Variants in UCHL3 observed in about 807,000 individuals in gnomAD.
UCHL3 encodes ubiquitin carboxyl-terminal hydrolase isozyme L3.
Under a neutral mutation model 35.8 loss-of-function variants are expected in UCHL3, and 22 were observed. The observed-to-expected ratio is 0.61, with a 90% CI of 0.44 to 0.88. UCHL3 has a LOEUF of 0.88. Among genes scored for constraint, UCHL3 ranks in the 40% least tolerant of loss-of-function variants. UCHL3 has a pLI of 0.00. For missense variants in UCHL3, 229 were observed against 276.9 expected (o/e 0.83, Z 1.23); for synonymous variants, 90 against 92.8 (o/e 0.97, Z 0.17).
intron 6 of UCHL3, among the ~76,000 whole-genome samples, chr13:75,577,182 C>G (rs1212941674): frequency 6.6e-6 from 1 of 152,044 alleles, no homozygotes. Flanking sequence ...CTCAGGAGGT[C>G]AAGACTGCAG....
chr13:75,549,662 G>C (rs1715944258), upstream of UCHL3: 1 of 755,602 alleles, frequency 1.3e-6, no homozygotes, highest in African/African-American at 1.8e-5. Context: ...GCACGGAGCG[G>C]TTAAGAGGGT....
intron 6 of UCHL3, among the ~76,000 whole-genome samples, chr13:75,594,601 A>G (rs369025657): frequency 4.6e-5 from 7 of 152,214 alleles, no homozygotes; most frequent in African/African-American, 1.2e-4. Flanking sequence ...TAAGTATGCA[A>G]TGTGCATATA....
chr13:75,583,189 G>A (rs1460119885), intron 6 of UCHL3, among the ~76,000 whole-genome samples: 3 of 152,090 alleles, frequency 2.0e-5, no homozygotes, highest in Middle Eastern at 3.2e-3. Context: ...CAAAAGCTTT[G>A]CCTGCCCCCA....
intron 6 of UCHL3, among the ~76,000 whole-genome samples, chr13:75,575,763 G>GT (rs1381346902): frequency 1.3e-5 from 2 of 151,994 alleles, no homozygotes; most frequent in East Asian, 3.9e-4. Flanking sequence ...TTTCTTTTTT[G>GT]TTTTTTGAGA....
At chr13:75,597,983 A>G (rs1420409977) in intron 7 of UCHL3, among the ~76,000 whole-genome samples, 6 of 152,200 alleles carry the variant, frequency 3.9e-5, no homozygotes, top group Non-Finnish European at 8.8e-5. Flanking sequence ...AGAAGTACAT[A>G]TTTTAAAATA....
At chr13:75,595,803 G>A (rs1338273019) in intron 7 of UCHL3, among the ~76,000 whole-genome samples, 1 of 144,774 alleles carries the variant, frequency 6.9e-6, no homozygotes, top group African/African-American at 2.6e-5. Context: ...TTTTTTTTAA[G>A]TTTACCTTTC....
intron 2 of UCHL3, among the ~76,000 whole-genome samples, chr13:75,560,539 C>T (rs187819615): frequency 5.6e-4 from 86 of 152,252 alleles, no homozygotes; most frequent in African/African-American, 1.9e-3. Flanking sequence ...AAAAATTGAA[C>T]ATATTTAGAG....
intron 2 of UCHL3, among the ~76,000 whole-genome samples, chr13:75,559,904 A>G (rs1566210097): frequency 6.6e-6 from 1 of 152,194 alleles, no homozygotes; most frequent in African/African-American, 2.4e-5. Flanking sequence ...TGTGAAAATG[A>G]CATTCTCATT....
At chr13:75,561,945 T>A (rs1245081487) in intron 3 of UCHL3, among the ~76,000 whole-genome samples, 1 of 152,026 alleles carries the variant, frequency 6.6e-6, no homozygotes, top group Non-Finnish European at 1.5e-5. Context: ...TTAAGTGCAT[T>A]TTATAATAGA....
At chr13:75,549,604 T>A (rs541444652), upstream of UCHL3, 2 of 470,754 alleles carry the variant, frequency 4.2e-6, no homozygotes, top group Non-Finnish European at 7.3e-6. Flanking sequence ...TATTTTTTTC[T>A]CCTCGGCAGC....
chr13:75,559,182 G>A (rs951924159), intron 2 of UCHL3, among the ~76,000 whole-genome samples: 3 of 152,014 alleles, frequency 2.0e-5, no homozygotes, highest in Admixed American at 6.6e-5. Flanking sequence ...TGGGAATACA[G>A]GCGCCAGCCA....
At chr13:75,590,715 G>A (rs1397930899) in intron 6 of UCHL3, among the ~76,000 whole-genome samples, 1 of 152,026 alleles carries the variant, frequency 6.6e-6, no homozygotes, top group Non-Finnish European at 1.5e-5. Flanking sequence ...TGCCTATTCA[G>A]TTTCTAAAGA....
At chr13:75,568,015 C>CA (rs2031738898) in intron 5 of UCHL3, among the ~76,000 whole-genome samples, 2 of 152,004 alleles carry the variant, frequency 1.3e-5, no homozygotes, top group Admixed American at 1.3e-4. Context: ...GACATTAGAC[C>CA]ATACTGTAGC....
At position 75,560,847 on chromosome 13, in the gene UCHL3, G is replaced by A; in HGVS notation, c.149G>A (p.Cys50Tyr). The change falls in exon 3 of 9, where the codon TGT becomes TAT. Residue 50 changes from cysteine (C) to tyrosine (Y), a missense_variant. Coordinates refer to ENST00000377595, the MANE Select transcript of UCHL3 (RefSeq NM_006002.5). ...CTTAGCATGGTACCAAGACCAGTCTGTGCAGTCTTACTTCTCTTTCCTATT... is the reference window on the plus strand; with the variant it reads ...CTTAGCATGGTACCAAGACCAGTCTATGCAGTCTTACTTCTCTTTCCTATT... ...ELLSMVPRPV[C>Y]AVLLLFPITE... The A allele has an allele frequency of 6.5e-7, 1 of 1,541,112 alleles. No homozygotes were observed. The highest frequency in any genetic ancestry group is 1.2e-5 in the South Asian group (1 of 81,068).
At chr13:75,579,258 G>A (rs866938053) in intron 6 of UCHL3, among the ~76,000 whole-genome samples, 1 of 151,970 alleles carries the variant, frequency 6.6e-6, no homozygotes. Context: ...AGAATCAGGC[G>A]GAAACAATAC....
chr13:75,571,799 G>C (rs1490807228), intron 6 of UCHL3, among the ~76,000 whole-genome samples: 1 of 151,974 alleles, frequency 6.6e-6, no homozygotes, highest in African/African-American at 2.4e-5. Flanking sequence ...AATCTTTTCT[G>C]CTCCTTTCCC....
At chr13:75,569,965 C>T (rs150873840) in intron 6 of UCHL3, among the ~76,000 whole-genome samples, 9 of 152,282 alleles carry the variant, frequency 5.9e-5, no homozygotes, top group Non-Finnish European at 1.2e-4. Context: ...CATCTTTACC[C>T]TGTTAGCTAG....
intron 7 of UCHL3, among the ~76,000 whole-genome samples, chr13:75,603,287 C>T (rs1337781611): frequency 6.6e-6 from 1 of 152,206 alleles, no homozygotes; most frequent in Non-Finnish European, 1.5e-5. Flanking sequence ...TTTATTAGCT[C>T]TTTAGTCTCA....
chr13:75,565,359 C>A (rs143472117), intron 3 of UCHL3, among the ~76,000 whole-genome samples: 120 of 152,220 alleles, frequency 7.9e-4, no homozygotes, highest in African/African-American at 2.6e-3. Context: ...GATAGTGTTA[C>A]TTAAAATGTA....
Sources: allele counts gnomAD v4.1 joint callset (sites outside exome capture counted in the v4.1 genomes callset), GRCh38; gene constraint gnomAD v4.1.1; transcripts MANE v1.5; gene names NCBI Gene and HGNC (gene_info 2026-07-23, HGNC 2026-07-21).